Variants in KCND3 observed in about 807,000 individuals in gnomAD.
The protein encoded by KCND3 is potassium voltage-gated channel subfamily D member 3, also known as A-type voltage-gated potassium channel KCND3.
KCND3 carries 9 observed loss-of-function variants against 51.1 expected under a neutral mutation model. That is an observed-to-expected ratio of 0.18 (90% CI 0.11 to 0.31). The LOEUF (loss-of-function observed/expected upper bound fraction) is 0.31, where lower values mean the gene tolerates loss of function less well. Among genes scored for constraint, KCND3 ranks in the 10% least tolerant of loss-of-function variants. The probability of loss-of-function intolerance (pLI) is 1.00; values close to 1 mark genes in which losing one functional copy is unlikely to be tolerated. For missense variants in KCND3, 526 were observed against 903.8 expected (o/e 0.58, Z 5.36); for synonymous variants, 349 against 368.0 (o/e 0.95, Z 0.59).
At chr1:111,876,315 C>T (rs1457326130) in intron 2 of KCND3, among the ~76,000 whole-genome samples, 1 of 152,170 alleles carries the variant, frequency 6.6e-6, no homozygotes, top group East Asian at 1.9e-4. Context: ...GGAATTGATA[C>T]AAGACAAACC....
chr1:111,967,338 A>T (rs1394766748), intron 2 of KCND3, among the ~76,000 whole-genome samples: 1 of 152,036 alleles, frequency 6.6e-6, no homozygotes. Flanking sequence ...GTCTGAGCTC[A>T]TCCTTTAAAA....
At chr1:111,800,883 G>A (rs1175011858) in intron 2 of KCND3, among the ~76,000 whole-genome samples, 1 of 152,226 alleles carries the variant, frequency 6.6e-6, no homozygotes, top group African/African-American at 2.4e-5. Flanking sequence ...ACTTGGCCTT[G>A]CTCAGTCCAT....
At chr1:111,776,615 G>C (rs187985447) in intron 7 of KCND3, among the ~76,000 whole-genome samples, 2 of 152,086 alleles carry the variant, frequency 1.3e-5, no homozygotes, top group African/African-American at 2.4e-5. Context: ...ATAAGCAGAG[G>C]GGGAGGGAAA....
intron 2 of KCND3, among the ~76,000 whole-genome samples, chr1:111,850,800 TG>T (rs1571738649): frequency 2.0e-5 from 3 of 152,332 alleles, no homozygotes; most frequent in Admixed American, 6.5e-5. Context: ...AGAAAAAGGC[TG>T]GCCCCATGTT....
chr1:111,793,056 G>A (rs1051566014), intron 2 of KCND3, among the ~76,000 whole-genome samples: 3 of 151,642 alleles, frequency 2.0e-5, no homozygotes, highest in South Asian at 2.1e-4. Context: ...TGTAGAGGTG[G>A]GTTTCACTAT....
chr1:111,969,482 C>G (rs1251144963), intron 2 of KCND3, among the ~76,000 whole-genome samples: 1 of 152,194 alleles, frequency 6.6e-6, no homozygotes, highest in East Asian at 1.9e-4. Context: ...CAGCTCACTG[C>G]CAGTCTGAAT....
intron 2 of KCND3, among the ~76,000 whole-genome samples, chr1:111,951,672 T>A (rs1673069971): frequency 6.6e-6 from 1 of 152,194 alleles, no homozygotes; most frequent in Non-Finnish European, 1.5e-5. Flanking sequence ...GGAGTTCACA[T>A]TCTACAGTAA....
chr1:111,947,052 GT>G (rs59034265), intron 2 of KCND3, among the ~76,000 whole-genome samples: 2 of 151,180 alleles, frequency 1.3e-5, no homozygotes, highest in African/African-American at 2.4e-5. Flanking sequence ...GGTGGGTCTT[GT>G]TTTTTTTTAA....
At chr1:111,931,694 G>T (rs1671979035) in intron 2 of KCND3, among the ~76,000 whole-genome samples, 1 of 152,200 alleles carries the variant, frequency 6.6e-6, no homozygotes, top group Non-Finnish European at 1.5e-5. Context: ...AAGGCTTAGG[G>T]CAGCATCGGC....
At chr1:111,974,658 T>C (rs1674530281) in intron 2 of KCND3, among the ~76,000 whole-genome samples, 1 of 152,188 alleles carries the variant, frequency 6.6e-6, no homozygotes, top group South Asian at 2.1e-4. Flanking sequence ...CTGAGGGGCA[T>C]TTCCCTCCTC....
At chr1:111,798,544 A>C (rs1259428860) in intron 2 of KCND3, among the ~76,000 whole-genome samples, 1 of 152,004 alleles carries the variant, frequency 6.6e-6, no homozygotes, top group East Asian at 1.9e-4. Flanking sequence ...ATGCTGCACG[A>C]TGCCAAGTAG....
intron 2 of KCND3, among the ~76,000 whole-genome samples, chr1:111,842,916 A>G (rs1303919913): frequency 6.6e-6 from 1 of 152,214 alleles, no homozygotes; most frequent in Non-Finnish European, 1.5e-5. Flanking sequence ...AGAGAACAAG[A>G]GTATAAACGG....
intron 2 of KCND3, among the ~76,000 whole-genome samples, chr1:111,895,513 C>T (rs1473165184): frequency 6.6e-6 from 1 of 152,142 alleles, no homozygotes; most frequent in Non-Finnish European, 1.5e-5. Context: ...AATGACAGCC[C>T]GTGTGGGAGG....
At chr1:111,905,328 A>G (rs1670595408) in intron 2 of KCND3, among the ~76,000 whole-genome samples, 1 of 152,206 alleles carries the variant, frequency 6.6e-6, no homozygotes, top group African/African-American at 2.4e-5. Flanking sequence ...GGAAATAATA[A>G]AAACAATATT....
intron 2 of KCND3, among the ~76,000 whole-genome samples, chr1:111,800,024 A>G (rs1488958623): frequency 1.3e-5 from 2 of 150,584 alleles, no homozygotes; most frequent in African/African-American, 4.9e-5. Flanking sequence ...CCCGGCCACC[A>G]CCCCGTCTGG....
At chr1:111,911,597 G>T (rs1052216641) in intron 2 of KCND3, among the ~76,000 whole-genome samples, 1 of 152,154 alleles carries the variant, frequency 6.6e-6, no homozygotes, top group African/African-American at 2.4e-5. Flanking sequence ...GAAGACTGTT[G>T]ACCAGGGCTC....
intron 2 of KCND3, among the ~76,000 whole-genome samples, chr1:111,875,199 C>T (rs1255236825): frequency 2.6e-5 from 4 of 152,282 alleles, no homozygotes; most frequent in Middle Eastern, 3.4e-3. Flanking sequence ...GATCAAGCCT[C>T]CTAGTTGGAT....
intron 2 of KCND3, among the ~76,000 whole-genome samples, chr1:111,807,770 T>G (rs1408484487): frequency 6.6e-6 from 1 of 152,256 alleles, no homozygotes; most frequent in Admixed American, 6.5e-5. Flanking sequence ...CTATATCATC[T>G]AGGCTTGTGC....
In KCND3 at chr1:111,980,525, C is replaced by G. The variant is rs531442429; in HGVS notation, c.1106+1096G>C. Among the ~76,000 whole-genome samples, 5 of 152,128 alleles carry G rather than the reference C, an allele frequency of 3.3e-5. No homozygotes were observed. In the South Asian group the frequency reaches 1.0e-3, roughly 32 times the overall value. On this transcript the variant is annotated intron_variant, in intron 2 of 7. Coordinates refer to ENST00000302127, the MANE Select transcript of KCND3 (RefSeq NM_001378969.1). ...AAAAATCAAATCACCAGGACACCAC[C>G]AACCACACTGTCAAAGACAAAATAA... is the stretch of plus-strand genomic sequence containing the variant.
Sources: allele counts gnomAD v4.1 joint callset (sites outside exome capture counted in the v4.1 genomes callset), GRCh38; gene constraint gnomAD v4.1.1; transcripts MANE v1.5; gene names NCBI Gene and HGNC (gene_info 2026-07-23, HGNC 2026-07-21).